The following MRTFA variants were observed in gnomAD, a reference collection of about 807,000 sequenced individuals.
MRTFA encodes the protein myocardin-related transcription factor A.
MRTFA carries 20 observed loss-of-function variants against 83.5 expected under a neutral mutation model. The observed-to-expected ratio is 0.24, with a 90% CI of 0.17 to 0.35. MRTFA has a LOEUF of 0.35. Among genes scored for constraint, MRTFA ranks in the 10% least tolerant of loss-of-function variants. The pLI is 1.00. For synonymous variants in MRTFA, 659 were observed against 541.2 expected (o/e 1.22, Z -3.02); for missense variants, 1,200 against 1,224.7 (o/e 0.98, Z 0.30).
intron 1 of MRTFA, among the ~76,000 whole-genome samples, chr22:40,608,915 C>A (rs1316476503): frequency 1.3e-5 from 2 of 152,080 alleles, no homozygotes; most frequent in African/African-American, 4.8e-5. Flanking sequence ...CACATCGCAC[C>A]CATTAGAATG....
intron 3 of MRTFA, among the ~76,000 whole-genome samples, chr22:40,534,513 G>A (rs1454510086): frequency 2.0e-5 from 3 of 152,162 alleles, no homozygotes; most frequent in Admixed American, 1.3e-4. Flanking sequence ...GGAATGCAGT[G>A]GTGCAAATGT....
chr22:40,569,057 G>A (rs765197287), intron 2 of MRTFA, among the ~76,000 whole-genome samples: 1 of 152,130 alleles, frequency 6.6e-6, no homozygotes, highest in Non-Finnish European at 1.5e-5. Flanking sequence ...ACAATAGGAA[G>A]AGAATTATGA....
At chr22:40,534,957 T>C (rs1569316381) in intron 3 of MRTFA, among the ~76,000 whole-genome samples, 1 of 152,144 alleles carries the variant, frequency 6.6e-6, no homozygotes, top group Admixed American at 6.5e-5. Context: ...ATTTTGTTAT[T>C]AGTAAAGAGA....
In MRTFA at chr22:40,418,618, T is replaced by C; in HGVS notation, c.2120A>G (p.Asn707Ser). ...GGCCACAGCACAAGGGTCTATGTGG[T>C]TGGTGGCTGGGGCCGCCAGGCTGGG... Residue 707 changes from asparagine (N) to serine (S), a missense_variant, in exon 12 of 15, where the codon AAC (asparagine) becomes AGC (serine). Transcript: ENST00000355630. 2 of 1,533,008 alleles carry C rather than the reference T, an allele frequency of 1.3e-6. No individual in the cohort carries two copies. Among genetic ancestry groups the C allele is most frequent in the Non-Finnish European group, 1.7e-6 (2 of 1,146,350 alleles). 95.0% of individuals were successfully genotyped at this position (1,533,008 alleles called of 1,614,324 possible).
intron 2 of MRTFA, among the ~76,000 whole-genome samples, chr22:40,584,889 C>CA (rs1395302993): frequency 6.6e-6 from 1 of 151,692 alleles, no homozygotes; most frequent in African/African-American, 2.4e-5. Context: ...ACTAAAAATA[C>CA]AAAAAATTAG....
At chr22:40,615,303 T>C (rs2056435753) in intron 1 of MRTFA, among the ~76,000 whole-genome samples, 1 of 152,260 alleles carries the variant, frequency 6.6e-6, no homozygotes, top group South Asian at 2.1e-4. Flanking sequence ...ATTGACTATA[T>C]ATGTATGTAT....
chr22:40,444,214 G>A (rs765460981), intron 4 of MRTFA, among the ~76,000 whole-genome samples: 6 of 152,134 alleles, frequency 3.9e-5, no homozygotes, highest in Non-Finnish European at 5.9e-5. Flanking sequence ...GGAAAGATTC[G>A]GTGAACCAGA....
chr22:40,423,513 T>G, intron 9 of MRTFA, 23 bp downstream of exon 9: 1 of 1,461,042 alleles, frequency 6.8e-7, no homozygotes, highest in Non-Finnish European at 9.1e-7. Context: ...AAGGGGAGGG[T>G]ACAATCACTG....
At chr22:40,453,066 C>G (rs769733270) in intron 4 of MRTFA, among the ~76,000 whole-genome samples, 10 of 152,130 alleles carry the variant, frequency 6.6e-5, no homozygotes, top group Non-Finnish European at 1.2e-4. Flanking sequence ...ACGTAAAATG[C>G]CTGGGACTGA....
chr22:40,624,085 T>C (rs984178963), intron 1 of MRTFA, among the ~76,000 whole-genome samples: 7 of 151,102 alleles, frequency 4.6e-5, no homozygotes, highest in African/African-American at 1.7e-4. Flanking sequence ...GCCTGAGAAA[T>C]GGAGGAAGAT....
intron 1 of MRTFA, among the ~76,000 whole-genome samples, chr22:40,615,807 C>G (rs1339882840): frequency 6.6e-6 from 1 of 151,818 alleles, no homozygotes; most frequent in East Asian, 1.9e-4. Context: ...GCCTCAGCCT[C>G]CCGAGTAGCT....
At chr22:40,521,216 C>A (rs908916973) in intron 3 of MRTFA, among the ~76,000 whole-genome samples, 14 of 152,128 alleles carry the variant, frequency 9.2e-5, no homozygotes, top group African/African-American at 3.4e-4. Context: ...TTCCATCACC[C>A]TGAGGATCCC....
Position 40,418,876 on chromosome 22 carries a change from C to A in MRTFA, c.1862G>T (p.Arg621Leu). The change falls in exon 12 of 15, where the codon CGC (arginine) becomes CTC (leucine). Residue 621 changes from arginine to leucine, a missense_variant. Around this residue, in one of 2 missense-constraint regions of MRTFA, gnomAD observed 1,107 missense variants for 1,041.8 expected, o/e 1.06. Transcript: ENST00000355630. ...CTCCTGCAGCATCTGGTCCTTGTCGCGCCCCTCTAGCTCCGCCCGCCCCCC... is the reference window on the plus strand; with the variant it reads ...CTCCTGCAGCATCTGGTCCTTGTCGAGCCCCTCTAGCTCCGCCCGCCCCCC... The A allele has an allele frequency of 6.2e-7, 1 of 1,612,478 alleles. No individual in the cohort carries two copies. Among genetic ancestry groups the A allele is most frequent in the Non-Finnish European group, 8.5e-7 (1 of 1,179,822 alleles).
At chr22:40,419,618 C>T (rs1295578795) in intron 11 of MRTFA, among the ~76,000 whole-genome samples, 2 of 152,196 alleles carry the variant, frequency 1.3e-5, no homozygotes, top group Admixed American at 6.5e-5. Context: ...ATGCAGGCAA[C>T]GGGGGCTGGT....
intron 1 of MRTFA, among the ~76,000 whole-genome samples, chr22:40,613,825 G>C (rs1244978031): frequency 1.3e-5 from 2 of 152,178 alleles, no homozygotes; most frequent in East Asian, 3.9e-4. Context: ...TGGGAGAACT[G>C]CTTGAACACA....
chr22:40,501,751 G>A (rs1337501946), intron 3 of MRTFA, among the ~76,000 whole-genome samples: 1 of 57,700 alleles, frequency 1.7e-5, no homozygotes, highest in East Asian at 7.0e-4. Context: ...CAGTAGGGGC[G>A]GCTGGGCAGA....
intron 1 of MRTFA, among the ~76,000 whole-genome samples, chr22:40,595,880 T>C (rs1471605863): frequency 6.9e-6 from 1 of 145,476 alleles, no homozygotes; most frequent in Non-Finnish European, 1.5e-5. Flanking sequence ...TTTTTTTTTT[T>C]TTTTTTTTGA....
At chr22:40,590,604 C>T (rs540054572) in intron 2 of MRTFA, among the ~76,000 whole-genome samples, 2 of 147,380 alleles carry the variant, frequency 1.4e-5, no homozygotes, top group East Asian at 2.0e-4. Context: ...GAGGCGGAGG[C>T]GGAGGCTGCA....
intron 3 of MRTFA, among the ~76,000 whole-genome samples, chr22:40,477,090 G>A (rs2054009995): frequency 1.3e-5 from 2 of 150,958 alleles, no homozygotes; most frequent in Non-Finnish European, 2.9e-5. Flanking sequence ...AGCACTTTGG[G>A]AGGCCAAGGC....
Sources: gnomAD v4.1 joint callset for allele counts (sites outside exome capture counted in the v4.1 genomes callset) on GRCh38, gnomAD v4.1.1 for gene constraint, gnomAD v4.1.1 regional missense constraint, MANE v1.5 for transcripts, NCBI Gene and HGNC (gene_info 2026-07-23, HGNC 2026-07-21) for gene names.